PXDNL: variants seen among roughly 807,000 people sequenced by gnomAD.
PXDNL encodes the protein peroxidasin like.
In PXDNL, 145 loss-of-function variants were observed where a neutral mutation model predicts 150.8. The observed-to-expected ratio is 0.96, with a 90% CI of 0.84 to 1.10. PXDNL has a LOEUF of 1.10. Ranked by LOEUF, PXDNL falls within the 50% of genes least tolerant of loss-of-function variation. The pLI, the probability that PXDNL is intolerant of heterozygous loss-of-function variation, is 0.00. For synonymous variants in PXDNL, 757 were observed against 725.7 expected (o/e 1.04, Z -0.69); for missense variants, 2,087 against 1,873.9 (o/e 1.11, Z -2.10).
intron 17 of PXDNL, among the ~76,000 whole-genome samples, chr8:51,397,263 T>C (rs920658801): frequency 7.9e-5 from 12 of 152,248 alleles, no homozygotes; most frequent in Middle Eastern, 3.2e-3. Context: ...CTAATGTTTA[T>C]ATTCATGTTA....
chr8:51,372,005 G>A lies in PXDNL; in HGVS notation c.3769C>T (p.Leu1257Phe). Residue 1257 changes from leucine (L) to phenylalanine (F), a missense_variant, in exon 19 of 23, where the codon CTT (leucine) becomes TTT (phenylalanine). Physicochemically the swap from Leu to Phe is conservative, Grantham distance 22. Coordinates refer to ENST00000356297, the MANE Select transcript of PXDNL (RefSeq NM_144651.5). ...QLKQASLSRV[L>F]CDNGDSIQQV... The stretch of plus-strand genomic sequence containing the variant: ...TGAATGCTGTCACCATTGTCACAAA[G>A]CACCCGGCTCAGGGACGCCTGCTTC... 6 of 1,613,168 alleles carry A rather than the reference G, an allele frequency of 3.7e-6. No homozygotes were observed. Among genetic ancestry groups the A allele is most frequent in the Non-Finnish European group, 5.1e-6 (6 of 1,179,566 alleles).
intron 1 of PXDNL, among the ~76,000 whole-genome samples, chr8:51,751,470 G>A (rs1271867949): frequency 6.6e-6 from 1 of 152,164 alleles, no homozygotes; most frequent in Non-Finnish European, 1.5e-5. Flanking sequence ...GAATTGGCGT[G>A]TTTATTTTAC....
chr8:51,363,350 G>A (rs773190391), intron 19 of PXDNL, among the ~76,000 whole-genome samples: 5 of 151,998 alleles, frequency 3.3e-5, no homozygotes, highest in African/African-American at 1.2e-4. Context: ...CAGACACTGA[G>A]TTAAAGAAGG....
At chr8:51,625,082 C>T (rs1287674345) in intron 2 of PXDNL, among the ~76,000 whole-genome samples, 1 of 151,976 alleles carries the variant, frequency 6.6e-6, no homozygotes, top group Non-Finnish European at 1.5e-5. Flanking sequence ...CCATGAAAAC[C>T]TGAAAAGTTA....
rs1810748263 is a variant in PXDNL, at chr8:51,486,753, TATATATATATATATATA to T, written c.453-3056_453-3040del. On this transcript the variant is annotated intron_variant, in intron 5 of 22. Coordinates refer to ENST00000356297, the MANE Select transcript of PXDNL (RefSeq NM_144651.5). ...ACTTCTTCCTATGTTAAAAAGTTTA[TATATATATATATATATA>T]TATATATATATATATATATATATAT... Among the ~76,000 whole-genome samples, 127 of 21,792 alleles carry T rather than the reference TATATATATATATATATA, an allele frequency of 5.8e-3. 2 individuals carry two copies. The highest frequency in any genetic ancestry group is 0.013 in the African/African-American group (60 of 4,530). 14.3% of individuals were successfully genotyped at this position (21,792 alleles called of 152,430 possible).
intron 8 of PXDNL, among the ~76,000 whole-genome samples, chr8:51,458,378 C>A (rs1303516924): frequency 6.6e-6 from 1 of 152,062 alleles, no homozygotes; most frequent in African/African-American, 2.4e-5. Flanking sequence ...GCTACTGACA[C>A]AGAAACATAT....
In PXDNL at chr8:51,472,174, G is replaced by C; in HGVS notation, c.812+13C>G. ...AAGGAGAATCACAACCCATGTCCAT[G>C]CTCAGTATTTACTTGTTGTGTATCC... is the stretch of plus-strand genomic sequence containing the variant. On this transcript the variant is annotated intron_variant, in intron 8 of 22. Transcript: ENST00000356297. 6.5e-7 allele frequency: 1 copy of C among 1,534,736 alleles called. No homozygotes were observed. Among genetic ancestry groups the C allele is most frequent in the South Asian group, 1.1e-5 (1 of 89,002 alleles).
chr8:51,600,324 T>C lies in PXDNL; in HGVS notation c.237-7626A>G, dbSNP rs879098066. On this transcript the variant is annotated intron_variant, in intron 2 of 22. Coordinates refer to ENST00000356297, the MANE Select transcript of PXDNL (RefSeq NM_144651.5). ...ATTATATGGTTTAGATAATAAATTA[T>C]ATCTTATATAAATTATATCGTTTAG... Among the ~76,000 whole-genome samples the C allele has an allele frequency of 5.7e-3, 706 of 124,346 alleles. 108 individuals carry two copies. The highest frequency in any genetic ancestry group is 0.022 in the African/African-American group (664 of 29,518). The allele number at this position is 124,346 out of a possible 152,430, so 81.6% of individuals were successfully genotyped here. A position where few individuals can be genotyped will look rare whatever the true frequency, so the allele number is the denominator to read the frequency against.
chr8:51,381,471 T>C lies in PXDNL; in HGVS notation c.3558-6740A>G, dbSNP rs555519633. Among the ~76,000 whole-genome samples, 3 of 152,212 alleles carry C rather than the reference T, an allele frequency of 2.0e-5. No homozygotes were observed. The South Asian group carries it at 6.2e-4, about 32-fold the overall frequency. ...ATTTTAATTATTGCTATGAGTTGAG[T>C]TGTGTTCCCATGAAAAGATATTAAC... On this transcript the variant is annotated intron_variant, in intron 17 of 22. Transcript: ENST00000356297.
chr8:51,619,349 C>T (rs966416474), intron 2 of PXDNL, among the ~76,000 whole-genome samples: 2 of 152,190 alleles, frequency 1.3e-5, no homozygotes, highest in African/African-American at 4.8e-5. Context: ...ACCCCCTTTA[C>T]AGAAAGGGTT....
At chr8:51,419,740 T>C (rs1431631) in intron 14 of PXDNL, among the ~76,000 whole-genome samples, 140,579 of 152,226 alleles carry the variant, frequency 0.92, 65,557 homozygotes, top group Non-Finnish European at 0.99. Flanking sequence ...AAATATTTTT[T>C]AAAAACAATA....
At chr8:51,432,283 C>CTCTT (rs1809267769) in intron 12 of PXDNL, among the ~76,000 whole-genome samples, 1 of 152,154 alleles carries the variant, frequency 6.6e-6, no homozygotes, top group South Asian at 2.1e-4. Flanking sequence ...GGTTTTTTGT[C>CTCTT]TCTTTGGTAA....
At chr8:51,524,917 A>G (rs1214870280) in intron 4 of PXDNL, among the ~76,000 whole-genome samples, 2 of 152,210 alleles carry the variant, frequency 1.3e-5, no homozygotes, top group Non-Finnish European at 1.5e-5. Flanking sequence ...TTAGAAATGC[A>G]AAAGTTCCAA....
chr8:51,322,837 G>A (rs931668408), intron 21 of PXDNL, among the ~76,000 whole-genome samples: 6 of 152,212 alleles, frequency 3.9e-5, no homozygotes, highest in African/African-American at 1.2e-4. Context: ...AATTTAGCAT[G>A]AGTGCCTACA....
At chr8:51,680,834 T>A (rs1008193786) in intron 1 of PXDNL, among the ~76,000 whole-genome samples, 2 of 152,162 alleles carry the variant, frequency 1.3e-5, no homozygotes, top group African/African-American at 4.8e-5. Flanking sequence ...AGATATGTGA[T>A]TAAGGGAATT....
rs141730527 is a variant in PXDNL at position 51,453,597 on chromosome 8, G to A, written c.1171C>T (p.Arg391Trp). The A allele has an allele frequency of 1.6e-3, 2,589 of 1,613,986 alleles. 4 individuals are homozygous for A. The highest frequency in any genetic ancestry group is 1.8e-3 in the Non-Finnish European group (2,106 of 1,179,862). Residue 391 changes from arginine to tryptophan, a missense_variant, in exon 10 of 23, where the codon CGG (arginine) becomes TGG (tryptophan). Coordinates refer to ENST00000356297, the MANE Select transcript of PXDNL (RefSeq NM_144651.5). ...SGLYLQNITQRDHGRFTCHAN... is the reference protein window; with the variant it reads ...SGLYLQNITQWDHGRFTCHAN... Reference sequence around the variant, plus strand: ...TGACAGGTAAATCGACCATGATCCCGTTGTGTGATGTTCTGTAAGTAAAGT... The same window carrying A: ...TGACAGGTAAATCGACCATGATCCCATTGTGTGATGTTCTGTAAGTAAAGT...
intron 1 of PXDNL, among the ~76,000 whole-genome samples, chr8:51,728,984 T>G (rs1203351174): frequency 6.6e-6 from 1 of 152,202 alleles, no homozygotes; most frequent in South Asian, 2.1e-4. Flanking sequence ...TATGGTATTT[T>G]TCTGTACCTT....
intron 1 of PXDNL, among the ~76,000 whole-genome samples, chr8:51,712,904 C>A (rs2130902605): frequency 6.6e-6 from 1 of 152,214 alleles, no homozygotes; most frequent in South Asian, 2.1e-4. Flanking sequence ...TCTCAGAGCA[C>A]TCATTCTAAA....
chr8:51,668,403 G>A (rs10090358), intron 1 of PXDNL, among the ~76,000 whole-genome samples: 8,458 of 151,908 alleles, frequency 0.056, 339 homozygotes, highest in African/African-American at 0.12. Flanking sequence ...TCGAACCCCT[G>A]ACCTCAAGTG....
Sources: allele counts gnomAD v4.1 joint callset (sites outside exome capture counted in the v4.1 genomes callset), GRCh38; gene constraint gnomAD v4.1.1; transcripts MANE v1.5; gene names NCBI Gene and HGNC (gene_info 2026-07-23, HGNC 2026-07-21).